CTNNA2: variants seen among roughly 807,000 people sequenced by gnomAD.
CTNNA2 encodes catenin alpha-2.
In CTNNA2, 42 loss-of-function variants were observed where a neutral mutation model predicts 101.0. The observed-to-expected ratio is 0.42, with a 90% CI of 0.32 to 0.54. The LOEUF is 0.54. Among genes scored for constraint, CTNNA2 ranks in the 20% least tolerant of loss-of-function variants. The pLI, the probability that CTNNA2 is intolerant of heterozygous loss-of-function variation, is 0.14. For synonymous variants in CTNNA2, 450 were observed against 456.4 expected (o/e 0.99, Z 0.18); for missense variants, 871 against 1,223.1 (o/e 0.71, Z 4.29).
intron 15 of CTNNA2, 111 bp downstream of exon 15, chr2:80,589,596 TGG>T: frequency 1.0e-6 from 1 of 980,110 alleles, no homozygotes; most frequent in Non-Finnish European, 1.5e-6. Flanking sequence ...CAACGCAAGG[TGG>T]TGGTATTATA....
At chr2:79,888,616 T>G (rs951277318) in intron 6 of CTNNA2, among the ~76,000 whole-genome samples, 10 of 152,176 alleles carry the variant, frequency 6.6e-5, no homozygotes, top group African/African-American at 2.4e-4. Context: ...TAATTGCAAT[T>G]TATATCTTGA....
chr2:79,971,634 G>A (rs988760478), intron 7 of CTNNA2, among the ~76,000 whole-genome samples: 1 of 152,194 alleles, frequency 6.6e-6, no homozygotes, highest in Non-Finnish European at 1.5e-5. Context: ...TGTGAGAGCA[G>A]AGGGATTTGA....
rs900533062 is a variant in CTNNA2, at chr2:80,052,644, C to T, written c.1056+142847C>T. 7.2e-5 allele frequency among the ~76,000 whole-genome samples: 11 copies of T among 152,264 alleles called. 1 individual carries two copies. The Middle Eastern group carries it at 0.01, about 141-fold the overall frequency. ...TAAAACTTAAGTGTATATTTTTAAA[C>T]AATTTTCTTAAAACCAGGTACATTT... On this transcript the variant is annotated intron_variant, in intron 7 of 18. Transcript: ENST00000402739.
intron 1 of CTNNA2, among the ~76,000 whole-genome samples, chr2:79,627,275 A>G (rs1278766422): frequency 6.6e-6 from 1 of 152,208 alleles, no homozygotes; most frequent in Non-Finnish European, 1.5e-5. Flanking sequence ...AGTTATTTCT[A>G]TTTTGCTATA....
intron 1 of CTNNA2, chr2:79,547,297 CA>C (rs914171016): frequency 1.4e-4 from 21 of 152,148 alleles, no homozygotes; most frequent in African/African-American, 5.1e-4. Flanking sequence ...AGCTGTCCCA[CA>C]ATGATTACAT....
chr2:80,423,285 C>T (rs958130877), intron 9 of CTNNA2, among the ~76,000 whole-genome samples: 1 of 151,856 alleles, frequency 6.6e-6, no homozygotes, highest in African/African-American at 2.4e-5. Context: ...TAATTTCTTG[C>T]CTTTCTTATT....
At chr2:80,596,358 G>A (rs1696978304) in intron 15 of CTNNA2, among the ~76,000 whole-genome samples, 1 of 123,620 alleles carries the variant, frequency 8.1e-6, no homozygotes, top group Admixed American at 1.0e-4. Flanking sequence ...TGCCAAGGCT[G>A]GAGTGCAGTG....
In CTNNA2 at chr2:80,227,849, CAA is replaced by C. The variant is rs144423283; in HGVS notation, c.1057-165354_1057-165353del. 6.3e-3 allele frequency among the ~76,000 whole-genome samples: 949 copies of C among 149,568 alleles called. 13 individuals are homozygous for C. The highest frequency in any genetic ancestry group is 0.021 in the African/African-American group (873 of 40,684). On this transcript the variant is annotated intron_variant, in intron 7 of 18. Transcript: ENST00000402739. ...GACAAAATTCGAAAAAAACAAAAAACAAAAAAAAACAACTATTAAAGGACCCC... is the reference window on the plus strand; with the variant it reads ...GACAAAATTCGAAAAAAACAAAAAACAAAAAAACAACTATTAAAGGACCCC...
At chr2:79,781,181 C>T (rs34009580) in intron 3 of CTNNA2, among the ~76,000 whole-genome samples, 2 of 152,134 alleles carry the variant, frequency 1.3e-5, no homozygotes, top group African/African-American at 4.8e-5. Context: ...TCCATGCCTC[C>T]CCTTTTTAGA....
intron 7 of CTNNA2, among the ~76,000 whole-genome samples, chr2:80,389,117 G>T (rs2149360662): frequency 6.6e-6 from 1 of 152,272 alleles, no homozygotes; most frequent in Admixed American, 6.5e-5. Context: ...AGAAGGACAG[G>T]TGATCCAAAA....
intron 2 of CTNNA2, among the ~76,000 whole-genome samples, chr2:79,294,924 T>C (rs1177132417): frequency 6.6e-6 from 1 of 152,168 alleles, no homozygotes; most frequent in Non-Finnish European, 1.5e-5. Flanking sequence ...TATTATCTAC[T>C]GATTTGCTAT....
At chr2:79,810,575 G>A (rs1331894461) in intron 3 of CTNNA2, among the ~76,000 whole-genome samples, 1 of 148,506 alleles carries the variant, frequency 6.7e-6, no homozygotes, top group African/African-American at 2.5e-5. Context: ...TGTGCACAAT[G>A]TACAGGTTAG....
intron 7 of CTNNA2, among the ~76,000 whole-genome samples, chr2:79,951,081 A>T (rs1238078560): frequency 6.6e-6 from 1 of 152,212 alleles, no homozygotes; most frequent in Non-Finnish European, 1.5e-5. Context: ...TCATCAGAGA[A>T]TTTTTAAAGG....
chr2:79,544,679 G>A (rs1157171491), intron 1 of CTNNA2, among the ~76,000 whole-genome samples: 1 of 152,102 alleles, frequency 6.6e-6, no homozygotes, highest in Non-Finnish European at 1.5e-5. Context: ...AAAGAATATT[G>A]ATTTTTTCAT....
chr2:79,691,680 T>C (rs531442759), intron 2 of CTNNA2, among the ~76,000 whole-genome samples: 20 of 152,070 alleles, frequency 1.3e-4, no homozygotes, highest in African/African-American at 4.6e-4. Context: ...AACAGATATA[T>C]AGACCAATGG....
intron 2 of CTNNA2, among the ~76,000 whole-genome samples, chr2:79,740,867 G>T (rs1453747634): frequency 6.6e-6 from 1 of 151,768 alleles, no homozygotes; most frequent in Admixed American, 6.6e-5. Flanking sequence ...CTCTAAGCTG[G>T]GTTTCCCTAC....
chr2:80,593,580 C>A (rs572878099), intron 15 of CTNNA2, among the ~76,000 whole-genome samples: 1 of 152,110 alleles, frequency 6.6e-6, no homozygotes. Context: ...CACTGTTGTG[C>A]AACCATTACC....
chr2:80,574,225 C>A lies in CTNNA2; in HGVS notation c.1804C>A (p.Gln602Lys), dbSNP rs199851508. ...TGAAGCCCTGAGTGCCAACGTTCCT[C>A]AACCGTTTGAGGAGAATGAGTTCAT... ...AIEALSANVP[Q>K]PFEENEFIDA... is the part of the protein sequence containing the mutation. The change falls in exon 13 of 19, where the codon CAA becomes AAA. Residue 602 changes from glutamine (Q) to lysine (K), a missense_variant. Physicochemically the swap from Gln to Lys is moderately conservative, Grantham distance 53. Around this residue, in one of 5 missense-constraint regions of CTNNA2, gnomAD observed 647 missense variants for 831.5 expected, o/e 0.78. Transcript: ENST00000402739. 9 of 1,613,672 alleles carry A rather than the reference C, an allele frequency of 5.6e-6. No individual in the cohort carries two copies.
At position 79,497,756 on chromosome 2, in the gene CTNNA2, T is replaced by G. The variant is rs1055748275; in HGVS notation, c.-134-7298T>G. Among the ~76,000 whole-genome samples, 4 of 152,310 alleles carry G rather than the reference T, an allele frequency of 2.6e-5. No individual in the cohort carries two copies. The South Asian group carries it at 8.3e-4, about 32-fold the overall frequency. ...TCTTAGAAAATTACTACTCTCCTTT[T>G]GTTTCGTCTAAGCAATGTCTCTTTT... On this transcript the variant is annotated intron_variant, in intron 4 of 21. Coordinates refer to the CTNNA2 transcript ENST00000466387.
Sources: allele counts gnomAD v4.1 joint callset (sites outside exome capture counted in the v4.1 genomes callset), GRCh38; gene constraint gnomAD v4.1.1; regional missense constraint gnomAD v4.1.1; transcripts MANE v1.5; gene names NCBI Gene and HGNC (gene_info 2026-07-23, HGNC 2026-07-21).